Variants in GREB1 observed in about 807,000 individuals in gnomAD.
GREB1 encodes growth regulating estrogen receptor binding 1, also known as protein GREB1.
GREB1 carries 106 observed loss-of-function variants against 200.7 expected under a neutral mutation model. The ratio of observed to expected loss-of-function variants is 0.53; its 90% confidence interval spans 0.45 to 0.62. GREB1 has a LOEUF of 0.62. GREB1 is among the 20% of genes least tolerant of loss of function. GREB1 has a pLI of 0.00. For synonymous variants in GREB1, 1,132 were observed against 1,092.4 expected (o/e 1.04, Z -0.72); for missense variants, 2,243 against 2,556.8 (o/e 0.88, Z 2.65).
At chr2:11,585,976 C>T (rs1362628467) in intron 9 of GREB1, 71 bp downstream of exon 9, 19 of 1,499,576 alleles carry the variant, frequency 1.3e-5, no homozygotes, top group South Asian at 2.3e-5. Flanking sequence ...CAGGCAAAAG[C>T]GAGACCTCAT....
chr2:11,638,894 TCCTTATTTG>T, intron 32 of GREB1, 85 bp downstream of exon 32: 1 of 1,393,708 alleles, frequency 7.2e-7, no homozygotes, highest in Non-Finnish European at 9.9e-7. Flanking sequence ...TTGGTCCTAG[TCCTTATTTG>T]CCCATGGGTA....
intron 1 of GREB1, among the ~76,000 whole-genome samples, chr2:11,552,451 G>A (rs980803162): frequency 1.3e-5 from 2 of 152,216 alleles, no homozygotes; most frequent in African/African-American, 2.4e-5. Context: ...CACTCCATGC[G>A]GCATTTGGGA....
chr2:11,595,915 CTG>C (rs1208967179), intron 12 of GREB1, among the ~76,000 whole-genome samples, 194 bp from the exon 13 acceptor site: 1 of 152,140 alleles, frequency 6.6e-6, no homozygotes, highest in African/African-American at 2.4e-5. Context: ...CCTGCTATGT[CTG>C]TGTGGGGGGA....
chr2:11,485,572 C>G (rs374178004), intron 1 of GREB1, among the ~76,000 whole-genome samples: 322 of 152,264 alleles, frequency 2.1e-3, no homozygotes, highest in Middle Eastern at 0.02. Context: ...CTGCACTAGT[C>G]GGGAAGCTAC....
intron 11 of GREB1, among the ~76,000 whole-genome samples, chr2:11,593,758 C>T (rs540368801): frequency 1.1e-4 from 16 of 151,536 alleles, no homozygotes; most frequent in African/African-American, 3.6e-4. Context: ...AGTGAGCCAC[C>T]GTGCCCGGCC....
upstream of GREB1, among the ~76,000 whole-genome samples, chr2:11,530,529 T>C (rs1185589875): frequency 7.0e-6 from 1 of 143,206 alleles, no homozygotes; most frequent in African/African-American, 2.6e-5. Context: ...ATTGCACCAC[T>C]GCTCTCCAGC....
intron 3 of GREB1, among the ~76,000 whole-genome samples, chr2:11,564,693 GA>G (rs1304673299): frequency 1.3e-5 from 2 of 152,212 alleles, no homozygotes; most frequent in African/African-American, 4.8e-5. Context: ...ACCCCCTGGG[GA>G]TTGACCTTGA....
chr2:11,632,944 G>A lies in GREB1; in HGVS notation c.4872G>A (p.Arg1624=). Reference sequence around the variant, plus strand: ...CCTACCATAACCTGGAGCTCGAGCGGAACCGGCAGGAGGAGCTGGGAATCA... The same window carrying A: ...CCTACCATAACCTGGAGCTCGAGCGAAACCGGCAGGAGGAGCTGGGAATCA... ...ELSYHNLELE[R]NRQEELGIKP... Residue 1624 remains arginine, a synonymous_variant, in exon 28 of 33, where the codon CGG becomes CGA. Coordinates refer to ENST00000381486, the MANE Select transcript of GREB1 (RefSeq NM_014668.4). The A allele has an allele frequency of 1.9e-6, 3 of 1,614,190 alleles. No homozygotes were observed. Among genetic ancestry groups the A allele is most frequent in the Non-Finnish European group, 2.5e-6 (3 of 1,180,040 alleles).
At chr2:11,595,919 G>A (rs1258777333) in intron 12 of GREB1, among the ~76,000 whole-genome samples, 192 bp from the exon 13 acceptor site, 1 of 152,086 alleles carries the variant, frequency 6.6e-6, no homozygotes, top group African/African-American at 2.4e-5. Context: ...CTATGTCTGT[G>A]TGGGGGGAGC....
intron 1 of GREB1, among the ~76,000 whole-genome samples, chr2:11,555,175 C>A (rs1326137461): frequency 1.3e-5 from 2 of 151,782 alleles, no homozygotes; most frequent in Non-Finnish European, 2.9e-5. Context: ...ACAAGTTAAA[C>A]CAAAGGGAAA....
At chr2:11,497,970 A>AATTT in intron 1 of GREB1, among the ~76,000 whole-genome samples, 1 of 88,676 alleles carries the variant, frequency 1.1e-5, no homozygotes, top group African/African-American at 4.1e-5. Context: ...GCAGAGCAAA[A>AATTT]CTTTTTTTTT....
At chr2:11,581,954 T>G (rs1418066258) in intron 7 of GREB1, among the ~76,000 whole-genome samples, 4 of 152,088 alleles carry the variant, frequency 2.6e-5, no homozygotes, top group Non-Finnish European at 5.9e-5. Flanking sequence ...CATCCTGGAG[T>G]CCGAAACCCA....
chr2:11,612,662 G>T (rs748571432), intron 19 of GREB1, 52 bp downstream of exon 19: 2 of 1,183,544 alleles, frequency 1.7e-6, no homozygotes, highest in Non-Finnish European at 2.5e-6. Flanking sequence ...GGCTGCCTGG[G>T]CCCCCTCAAG....
In GREB1 at chr2:11,622,084, C is replaced by T. The variant is rs1684057206; in HGVS notation, c.4147+1077C>T. On this transcript the variant is annotated intron_variant, in intron 23 of 32. Coordinates refer to ENST00000381486, the MANE Select transcript of GREB1 (RefSeq NM_014668.4). ...ATTAAATGTGACACACACAGAGCAC[C>T]AAGACTGTTTTTTTTAGACAAATTC... is the stretch of plus-strand genomic sequence containing the variant. 5.3e-5 allele frequency among the ~76,000 whole-genome samples: 8 copies of T among 150,888 alleles called. No individual in the cohort carries two copies. In the South Asian group the frequency reaches 1.7e-3, roughly 31 times the overall value.
chr2:11,612,209 AGACTT>A, intron 18 of GREB1: 1 of 606,638 alleles, frequency 1.6e-6, no homozygotes, highest in Non-Finnish European at 2.1e-6. Flanking sequence ...AAAAAAAAAA[AGACTT>A]AAGGAGCAGC....
intron 4 of GREB1, among the ~76,000 whole-genome samples, chr2:11,575,251 C>A (rs1338298085): frequency 6.6e-6 from 1 of 152,184 alleles, no homozygotes; most frequent in Non-Finnish European, 1.5e-5. Flanking sequence ...GACCTTTGAG[C>A]CCAAAGAAAC....
At chr2:11,494,588 C>T (rs144149615) in intron 1 of GREB1, among the ~76,000 whole-genome samples, 12 of 152,264 alleles carry the variant, frequency 7.9e-5, no homozygotes, top group African/African-American at 2.9e-4. Context: ...CCTTATTTGG[C>T]CCTGTCTTTC....
intron 1 of GREB1, among the ~76,000 whole-genome samples, chr2:11,535,634 CATTG>C (rs1674257586): frequency 6.6e-6 from 1 of 152,012 alleles, no homozygotes; most frequent in Non-Finnish European, 1.5e-5. Flanking sequence ...GATTGAAATA[CATTG>C]ATTGAGTTCT....
At chr2:11,587,874 G>A (rs1680323021) in intron 9 of GREB1, 14 of 1,002,890 alleles carry the variant, frequency 1.4e-5, no homozygotes, top group Non-Finnish European at 1.5e-5. Context: ...AAAGAATGGT[G>A]GAAAGATATT....
Sources: allele counts gnomAD v4.1 joint callset (sites outside exome capture counted in the v4.1 genomes callset), GRCh38; gene constraint gnomAD v4.1.1; transcripts MANE v1.5; gene names NCBI Gene and HGNC (gene_info 2026-07-23, HGNC 2026-07-21).